Variants in MED12L observed in about 807,000 individuals in gnomAD.
The protein encoded by MED12L is mediator of RNA polymerase II transcription subunit 12-like protein.
In MED12L, 60 loss-of-function variants were observed where a neutral mutation model predicts 281.3. The ratio of observed to expected loss-of-function variants is 0.21; its 90% CI spans 0.17 to 0.26. The LOEUF (loss-of-function observed/expected upper bound fraction) is 0.26, where lower values mean the gene tolerates loss of function less well. Ranked by LOEUF, MED12L falls within the 10% of genes least tolerant of loss-of-function variation. MED12L has a pLI of 1.00. For missense variants in MED12L, 2,146 were observed against 2,680.9 expected (o/e 0.80, Z 4.41); for synonymous variants, 974 against 987.2 (o/e 0.99, Z 0.25).
intron 16 of MED12L, among the ~76,000 whole-genome samples, chr3:151,299,404 TCCCC>T (rs1559999748): frequency 1.1e-3 from 143 of 134,752 alleles, no homozygotes; most frequent in Middle Eastern, 3.6e-3. Flanking sequence ...TCTTTTCCCC[TCCCC>T]TCCCCTCCCC....
chr3:151,274,949 A>G (rs1363852906), intron 16 of MED12L, among the ~76,000 whole-genome samples: 1 of 152,206 alleles, frequency 6.6e-6, no homozygotes, highest in African/African-American at 2.4e-5. Context: ...GATTTCATTC[A>G]TCATCTGTAG....
chr3:151,411,126 A>T, intron 40 of MED12L, 152 bp from the exon 41 acceptor site: 1 of 633,942 alleles, frequency 1.6e-6, no homozygotes, highest in Non-Finnish European at 2.8e-6. Context: ...CATCCAGGGT[A>T]GTCCTCCTCA....
chr3:151,357,349 C>A lies in MED12L; in HGVS notation c.2798C>A (p.Pro933His). ...TATCACAGTTGTCTAATCTTGAATC[C>A]TGATCAGACAGCCCAGGTGTTTGAA... ...RRYHSCLILNPDQTAQVFEGL... is the reference protein window; with the variant it reads ...RRYHSCLILNHDQTAQVFEGL... Residue 933 changes from proline (P) to histidine (H), a missense_variant, in exon 20 of 45, where the codon CCT becomes CAT. Physicochemically the swap from Pro to His is moderately conservative, Grantham distance 77 (BLOSUM62 -2). Coordinates refer to ENST00000687756, the MANE Select transcript of MED12L (RefSeq NM_001393769.1). 2 of 1,612,556 alleles carry A rather than the reference C, an allele frequency of 1.2e-6. No individual in the cohort carries two copies. Among genetic ancestry groups the A allele is most frequent in the Non-Finnish European group, 8.5e-7 (1 of 1,179,314 alleles).
chr3:151,324,919 C>CT (rs1401222450), intron 16 of MED12L, among the ~76,000 whole-genome samples: 1 of 152,130 alleles, frequency 6.6e-6, no homozygotes, highest in Non-Finnish European at 1.5e-5. Flanking sequence ...TATGTTTTTT[C>CT]TTAAATAATA....
chr3:151,177,388 T>A (rs1344162474), intron 11 of MED12L, among the ~76,000 whole-genome samples: 1 of 152,248 alleles, frequency 6.6e-6, no homozygotes, highest in African/African-American at 2.4e-5. Context: ...TCTAGTTCTG[T>A]GCCCATGACC....
chr3:151,137,710 A>C (rs1356985657), intron 5 of MED12L, among the ~76,000 whole-genome samples: 3 of 152,170 alleles, frequency 2.0e-5, no homozygotes, highest in Admixed American at 2.0e-4. Context: ...CAATCAAATG[A>C]TTTCTAGTAA....
chr3:151,246,443 A>G (rs946029352), intron 16 of MED12L, among the ~76,000 whole-genome samples: 6 of 152,058 alleles, frequency 3.9e-5, no homozygotes, highest in Non-Finnish European at 5.9e-5. Flanking sequence ...ATGGAACAGA[A>G]CAGAGCCCTC....
chr3:151,311,473 T>C (rs1747507061), intron 16 of MED12L, among the ~76,000 whole-genome samples: 1 of 152,190 alleles, frequency 6.6e-6, no homozygotes. Flanking sequence ...CACATTGATG[T>C]AGTAATTACC....
In MED12L at chr3:151,255,575, G is replaced by T. The variant is rs576253914; in HGVS notation, c.2250+61909G>T. ...TTCAGACATCTCTAACTGAACACAC[G>T]CGATTTTTCCTGCAGCTTCCCTTCT... On this transcript the variant is annotated intron_variant, in intron 16 of 44. Coordinates refer to ENST00000687756, the MANE Select transcript of MED12L (RefSeq NM_001393769.1). Among the ~76,000 whole-genome samples the T allele has an allele frequency of 3.3e-5, 5 of 152,092 alleles. No homozygotes were observed. The South Asian group carries it at 6.2e-4, about 19-fold the overall frequency.
intron 16 of MED12L, among the ~76,000 whole-genome samples, chr3:151,260,002 A>C (rs1019353995): frequency 1.3e-5 from 2 of 152,168 alleles, no homozygotes; most frequent in African/African-American, 2.4e-5. Flanking sequence ...ATTGGTAGGC[A>C]TTGTGAAGTG....
intron 16 of MED12L, among the ~76,000 whole-genome samples, chr3:151,195,401 A>G (rs547563501): frequency 6.6e-6 from 1 of 152,126 alleles, no homozygotes; most frequent in African/African-American, 2.4e-5. Flanking sequence ...AAACTTGTCA[A>G]ATTATCAAAC....
At chr3:151,179,659 C>A (rs1165378323) in intron 11 of MED12L, among the ~76,000 whole-genome samples, 1 of 152,184 alleles carries the variant, frequency 6.6e-6, no homozygotes, top group East Asian at 1.9e-4. Context: ...AACGACCCCT[C>A]TTGGATAGGA....
intron 16 of MED12L, among the ~76,000 whole-genome samples, chr3:151,268,326 G>T (rs1469174422): frequency 1.3e-5 from 2 of 152,062 alleles, no homozygotes; most frequent in Non-Finnish European, 2.9e-5. Context: ...TTGTTAAAAA[G>T]AATTCAGTCT....
intron 16 of MED12L, among the ~76,000 whole-genome samples, chr3:151,301,381 A>G (rs1283437596): frequency 6.6e-6 from 1 of 152,112 alleles, no homozygotes; most frequent in Non-Finnish European, 1.5e-5. Flanking sequence ...CTCTGTTCTC[A>G]AGTTGTATGG....
chr3:151,357,904 A>G (rs1300951112), intron 20 of MED12L, among the ~76,000 whole-genome samples: 1 of 152,204 alleles, frequency 6.6e-6, no homozygotes, highest in Non-Finnish European at 1.5e-5. Context: ...GAGCTACAGA[A>G]TTAGCTAATA....
chr3:151,372,877 CT>C, intron 27 of MED12L, 111 bp downstream of exon 27: 2 of 730,222 alleles, frequency 2.7e-6, no homozygotes, highest in Non-Finnish European at 4.4e-6. Context: ...TTCTTGCTCA[CT>C]TTATTTCGAA....
intron 11 of MED12L, 61 bp downstream of exon 11, chr3:151,166,043 C>G: frequency 6.9e-7 from 1 of 1,459,424 alleles, no homozygotes; most frequent in Non-Finnish European, 9.4e-7. Context: ...TTTCTTCTTT[C>G]TCATTCAGGA....
chr3:151,332,697 A>AT (rs1750486479), intron 16 of MED12L, among the ~76,000 whole-genome samples: 1 of 152,052 alleles, frequency 6.6e-6, no homozygotes, highest in Non-Finnish European at 1.5e-5. Context: ...TATGTATTGG[A>AT]TTTTTGTTTC....
At chr3:151,371,008 G>A (rs1362292599) in intron 26 of MED12L, among the ~76,000 whole-genome samples, 1 of 152,142 alleles carries the variant, frequency 6.6e-6, no homozygotes, top group Admixed American at 6.5e-5. Flanking sequence ...GGCACTGAAC[G>A]CTCAAATGTA....
Sources: gnomAD v4.1 joint callset for allele counts (sites outside exome capture counted in the v4.1 genomes callset) on GRCh38, gnomAD v4.1.1 for gene constraint, MANE v1.5 for transcripts, NCBI Gene and HGNC (gene_info 2026-07-23, HGNC 2026-07-21) for gene names.